The following CDIN1 variants were observed in gnomAD, a reference collection of about 807,000 sequenced individuals.
CDIN1 encodes CDAN1-interacting nuclease 1.
CDIN1 carries 33 observed loss-of-function variants against 45.3 expected under a neutral mutation model. The ratio of observed to expected loss-of-function variants is 0.73; its 90% CI spans 0.55 to 0.97. The LOEUF (loss-of-function observed/expected upper bound fraction) is 0.97, where lower values mean the gene tolerates loss of function less well. Ranked by LOEUF, CDIN1 falls within the 50% of genes least tolerant of loss-of-function variation. The pLI, the probability that CDIN1 is intolerant of heterozygous loss-of-function variation, is 0.00. For missense variants in CDIN1, 303 were observed against 339.4 expected (o/e 0.89, Z 0.84); for synonymous variants, 118 against 124.4 (o/e 0.95, Z 0.34).
chr15:36,662,793 G>A (rs775572542), intron 5 of CDIN1, among the ~76,000 whole-genome samples: 18 of 150,164 alleles, frequency 1.2e-4, no homozygotes, highest in South Asian at 2.1e-4. Flanking sequence ...ATGTGTGTAC[G>A]TAACACAAAT....
intron 1 of CDIN1, among the ~76,000 whole-genome samples, chr15:36,592,805 C>A (rs1390805776): frequency 2.0e-5 from 3 of 151,818 alleles, no homozygotes; most frequent in Admixed American, 2.0e-4. Flanking sequence ...AAAAGTGAAT[C>A]CTTTTTAAAA....
chr15:36,618,066 G>T, intron 1 of CDIN1: 1 of 754,210 alleles, frequency 1.3e-6, no homozygotes, highest in South Asian at 1.4e-5. Flanking sequence ...CCTCAGTCTT[G>T]GTCTCCAAAT....
chr15:36,613,729 G>T, intron 1 of CDIN1: 2 of 1,569,560 alleles, frequency 1.3e-6, no homozygotes, highest in Non-Finnish European at 8.7e-7. Context: ...CTGCTGATGA[G>T]AGTGAGACAG....
intron 1 of CDIN1, among the ~76,000 whole-genome samples, chr15:36,625,276 G>T (rs2039372357): frequency 6.7e-6 from 1 of 149,192 alleles, no homozygotes; most frequent in Non-Finnish European, 1.5e-5. Context: ...GCGAGACCCT[G>T]TCTCAAAAAA....
intron 1 of CDIN1, among the ~76,000 whole-genome samples, chr15:36,589,404 C>T (rs950065897): frequency 6.6e-6 from 1 of 152,160 alleles, no homozygotes; most frequent in African/African-American, 2.4e-5. Context: ...TCTCCTTTCT[C>T]CATTCTGCTG....
intron 10 of CDIN1, chr15:36,756,165 C>A: frequency 2.2e-6 from 1 of 455,736 alleles, no homozygotes; most frequent in Non-Finnish European, 4.4e-6. Flanking sequence ...AGTGGGGAAT[C>A]CTTAGTTGAA....
At chr15:36,649,589 C>A (rs1409257417) in intron 3 of CDIN1, among the ~76,000 whole-genome samples, 1 of 152,138 alleles carries the variant, frequency 6.6e-6, no homozygotes, top group African/African-American at 2.4e-5. Flanking sequence ...AATGTATACT[C>A]ATTTCAAATA....
intron 10 of CDIN1, among the ~76,000 whole-genome samples, chr15:36,785,543 C>A (rs1254933103): frequency 6.6e-6 from 1 of 152,170 alleles, no homozygotes; most frequent in Admixed American, 6.5e-5. Context: ...CTGATACACA[C>A]ATTCACATAC....
chr15:36,734,664 G>A (rs2043951895), intron 10 of CDIN1, among the ~76,000 whole-genome samples: 1 of 152,098 alleles, frequency 6.6e-6, no homozygotes, highest in African/African-American at 2.4e-5. Flanking sequence ...GCTATTACCA[G>A]ACACCAAATA....
chr15:36,664,757 A>G (rs1157090728), intron 5 of CDIN1, among the ~76,000 whole-genome samples: 3 of 152,194 alleles, frequency 2.0e-5, no homozygotes, highest in Non-Finnish European at 4.4e-5. Flanking sequence ...CATGTTAGCC[A>G]GGATGGTCTC....
chr15:36,651,653 A>ACCTCACTACATTCAATGTATGTGGCG (rs2040581043), intron 3 of CDIN1, among the ~76,000 whole-genome samples: 1 of 151,860 alleles, frequency 6.6e-6, no homozygotes, highest in Non-Finnish European at 1.5e-5. Flanking sequence ...TGTATGTGGC[A>ACCTCACTACATTCAATGTATGTGGCG]CCTCACTAGG....
chr15:36,617,251 G>C (rs147940425), intron 1 of CDIN1: 20 of 946,430 alleles, frequency 2.1e-5, no homozygotes, highest in Middle Eastern at 2.2e-4. Context: ...TGCTCATCCT[G>C]AGGTTAATGC....
At chr15:36,679,026 A>T (rs956300571) in intron 5 of CDIN1, among the ~76,000 whole-genome samples, 4 of 152,250 alleles carry the variant, frequency 2.6e-5, no homozygotes, top group Non-Finnish European at 1.5e-5. Context: ...TTATGTCGTT[A>T]TAGACAAGAC....
At chr15:36,763,500 G>A (rs2053831737) in intron 10 of CDIN1, among the ~76,000 whole-genome samples, 1 of 152,100 alleles carries the variant, frequency 6.6e-6, no homozygotes, top group South Asian at 2.1e-4. Flanking sequence ...AGACTGGAAA[G>A]CATAGAATCC....
At chr15:36,627,497 G>T in intron 1 of CDIN1, 1 of 156,446 alleles carries the variant, frequency 6.4e-6, no homozygotes, top group South Asian at 1.8e-4. Flanking sequence ...GCCAGACTTG[G>T]ACCAGGCCTG....
chr15:36,667,685 A>G (rs2041300078), intron 5 of CDIN1, among the ~76,000 whole-genome samples: 1 of 152,190 alleles, frequency 6.6e-6, no homozygotes, highest in African/African-American at 2.4e-5. Context: ...TCATGAGAAG[A>G]CGCTAATATA....
intron 10 of CDIN1, among the ~76,000 whole-genome samples, chr15:36,789,605 T>C (rs778176327): frequency 1.9e-4 from 29 of 152,156 alleles, no homozygotes; most frequent in Non-Finnish European, 4.0e-4. Flanking sequence ...TGGTTAACAG[T>C]AAGGTATACT....
intron 5 of CDIN1, among the ~76,000 whole-genome samples, chr15:36,689,923 G>A (rs2042183126): frequency 6.6e-6 from 1 of 152,148 alleles, no homozygotes; most frequent in Non-Finnish European, 1.5e-5. Flanking sequence ...CTTTATTTCG[G>A]TAGTCAGCTT....
At chr15:36,696,385 C>A (rs1365829468) in intron 7 of CDIN1, 1 of 152,158 alleles carries the variant, frequency 6.6e-6, no homozygotes, top group Admixed American at 6.5e-5. Context: ...GGCAAAAGTT[C>A]AACAACAGTC....
Sources: gnomAD v4.1 joint callset for allele counts (sites outside exome capture counted in the v4.1 genomes callset) on GRCh38, gnomAD v4.1.1 for gene constraint, MANE v1.5 for transcripts, NCBI Gene and HGNC (gene_info 2026-07-23, HGNC 2026-07-21) for gene names.